PLEKHM3: variants seen among roughly 807,000 people sequenced by gnomAD.
The protein encoded by PLEKHM3 is pleckstrin homology domain-containing family M member 3.
A neutral mutation model predicts 81.8 loss-of-function variants in PLEKHM3; 45 were observed. The observed-to-expected ratio is 0.55, with a 90% confidence interval of 0.43 to 0.71. The LOEUF is 0.71. PLEKHM3 is among the 30% of genes least tolerant of loss of function. The probability of loss-of-function intolerance (pLI) is 0.00; values close to 1 mark genes in which losing one functional copy is unlikely to be tolerated. For missense variants in PLEKHM3, 788 were observed against 924.3 expected (o/e 0.85, Z 1.91); for synonymous variants, 352 against 356.4 (o/e 0.99, Z 0.14).
At chr2:207,871,884 G>A (rs1251238445) in intron 6 of PLEKHM3, among the ~76,000 whole-genome samples, 1 of 152,210 alleles carries the variant, frequency 6.6e-6, no homozygotes, top group African/African-American at 2.4e-5. Context: ...CAGCAGAATT[G>A]TGCTTCTCTG....
intron 6 of PLEKHM3, among the ~76,000 whole-genome samples, chr2:207,891,114 A>G (rs1247503200): frequency 6.6e-6 from 1 of 152,220 alleles, no homozygotes; most frequent in Non-Finnish European, 1.5e-5. Context: ...TCATGTAGGA[A>G]ACACCCTTTG....
chr2:208,016,212 A>C (rs1466263806), intron 1 of PLEKHM3, among the ~76,000 whole-genome samples: 2 of 152,128 alleles, frequency 1.3e-5, no homozygotes, highest in Non-Finnish European at 2.9e-5. Context: ...AAATACATAA[A>C]TAAATAAAAT....
chr2:207,915,906 T>C (rs1318485663), intron 5 of PLEKHM3, among the ~76,000 whole-genome samples: 1 of 152,162 alleles, frequency 6.6e-6, no homozygotes, highest in African/African-American at 2.4e-5. Flanking sequence ...CACACTGAAA[T>C]CAGCAAAAAG....
At chr2:207,915,766 A>C (rs1430338790) in intron 5 of PLEKHM3, among the ~76,000 whole-genome samples, 1 of 152,254 alleles carries the variant, frequency 6.6e-6, no homozygotes, top group African/African-American at 2.4e-5. Context: ...AAGATGCATA[A>C]GGAATAATTT....
rs74317611 is a variant in PLEKHM3 at position 207,917,205 on chromosome 2, G to A, written c.1887-8628C>T. 5.1e-3 allele frequency among the ~76,000 whole-genome samples: 782 copies of A among 152,340 alleles called. 6 individuals are homozygous for A. Among genetic ancestry groups the A allele is most frequent in the African/African-American group, 0.018 (745 of 41,576 alleles). On this transcript the variant is annotated intron_variant, in intron 5 of 7. Coordinates refer to ENST00000427836, the MANE Select transcript of PLEKHM3 (RefSeq NM_001080475.3). ...TCCTGATAGATTCTGCAGCTAATCT[G>A]TTAAGGCTAAAGCCCCAGCTGCAGC...
chr2:207,919,364 C>A (rs1041609876), intron 5 of PLEKHM3, among the ~76,000 whole-genome samples: 1 of 151,884 alleles, frequency 6.6e-6, no homozygotes, highest in Non-Finnish European at 1.5e-5. Flanking sequence ...TTACTTGGAG[C>A]GAGAGGTGAA....
intron 7 of PLEKHM3, among the ~76,000 whole-genome samples, chr2:207,840,802 T>TTTA (rs1559202745): frequency 7.1e-6 from 1 of 140,114 alleles, no homozygotes. Context: ...TTTTTATGTT[T>TTTA]TTTTTTTTTT....
At chr2:207,850,596 A>C (rs1042778392) in intron 7 of PLEKHM3, among the ~76,000 whole-genome samples, 1 of 152,222 alleles carries the variant, frequency 6.6e-6, no homozygotes, top group African/African-American at 2.4e-5. Flanking sequence ...CAAGGTTCAG[A>C]AATAGCATCT....
At chr2:208,011,899 G>C (rs533415707) in intron 1 of PLEKHM3, among the ~76,000 whole-genome samples, 3 of 139,546 alleles carry the variant, frequency 2.1e-5, no homozygotes, top group African/African-American at 8.2e-5. Flanking sequence ...CTAGGTTCAA[G>C]TGACTCTCCT....
chr2:207,924,986 G>C (rs1234808155), intron 5 of PLEKHM3, among the ~76,000 whole-genome samples: 1 of 152,108 alleles, frequency 6.6e-6, no homozygotes, highest in African/African-American at 2.4e-5. Context: ...AAAGAAACAA[G>C]GGCCTCAGGA....
chr2:207,830,680 GAAGGACACTTCTTC>G (rs2092281771), intron 7 of PLEKHM3, among the ~76,000 whole-genome samples: 5 of 143,956 alleles, frequency 3.5e-5, no homozygotes, highest in Admixed American at 2.0e-4. Flanking sequence ...GTCCTTAGAA[GAAGGACACTTCTTC>G]TAAGTGTCCT....
rs1028238332 is a variant in PLEKHM3, at chr2:208,001,919, A to G, written c.-280T>C. 4 of 415,202 alleles carry G rather than the reference A, an allele frequency of 9.6e-6. No homozygotes were observed. The highest frequency in any genetic ancestry group is 4.4e-5 in the East Asian group (1 of 22,754). 25.7% of individuals were successfully genotyped at this position (415,202 alleles called of 1,614,324 possible). A position where few individuals can be genotyped will look rare whatever the true frequency, so the allele number is the denominator to read the frequency against. On this transcript the variant is annotated 5_prime_UTR_variant, in exon 2 of 8. Transcript: ENST00000427836. The stretch of plus-strand genomic sequence containing the variant: ...TGAGACCTCTGTGAAGACAACAGCA[A>G]GTACTTGTCAAAGCAATGCCACGCC...
At chr2:208,010,084 G>A (rs1341016280) in intron 1 of PLEKHM3, among the ~76,000 whole-genome samples, 1 of 152,186 alleles carries the variant, frequency 6.6e-6, no homozygotes, top group African/African-American at 2.4e-5. Flanking sequence ...CAACTTGGCT[G>A]GGTTCATTTT....
chr2:207,865,801 A>AAAAAAAAAATATATATATAT lies in PLEKHM3; in HGVS notation c.1951-4540_1951-4539insATATATATATATTTTTTTTT. ...CGACTCAAAAAAAAAAAAAAAAAAA[A>AAAAAAAAAATATATATATAT]AGATATATATATATATATATATATA... On this transcript the variant is annotated intron_variant, in intron 6 of 7. Coordinates refer to ENST00000427836, the MANE Select transcript of PLEKHM3 (RefSeq NM_001080475.3). Among the ~76,000 whole-genome samples the AAAAAAAAAATATATATATAT allele has an allele frequency of 3.2e-4, 8 of 25,284 alleles. 1 individual carries two copies. Among genetic ancestry groups the AAAAAAAAAATATATATATAT allele is most frequent in the South Asian group, 2.2e-3 (2 of 924 alleles). The allele number at this position is 25,284 out of a possible 152,430, so 16.6% of individuals were successfully genotyped here. A position where few individuals can be genotyped will look rare whatever the true frequency, so the allele number is the denominator to read the frequency against.
intron 1 of PLEKHM3, among the ~76,000 whole-genome samples, chr2:208,019,136 A>C (rs1693032914): frequency 1.1e-5 from 1 of 89,238 alleles, no homozygotes; most frequent in African/African-American, 2.9e-5. Context: ...CCCCATCTCT[A>C]CAAAAAAAAA....
At chr2:207,933,091 C>T (rs1159256732) in intron 4 of PLEKHM3, among the ~76,000 whole-genome samples, 2 of 152,054 alleles carry the variant, frequency 1.3e-5, no homozygotes, top group Admixed American at 6.6e-5. Flanking sequence ...CTATAGCATC[C>T]TGCAGAGTTA....
intron 6 of PLEKHM3, among the ~76,000 whole-genome samples, chr2:207,865,803 G>GATAT (rs71036961): frequency 0.019 from 547 of 29,348 alleles, 23 homozygotes; most frequent in Non-Finnish European, 0.027. Flanking sequence ...AAAAAAAAAA[G>GATAT]ATATATATAT....
rs2105873720 is a variant in PLEKHM3 at position 207,825,745 on chromosome 2, A to T, written c.*2574T>A. On this transcript the variant is annotated 3_prime_UTR_variant, in exon 8 of 8. Coordinates refer to ENST00000427836, the MANE Select transcript of PLEKHM3 (RefSeq NM_001080475.3). ...ACCAAGCTGTCAGGGTGGTACGAAAAGGAGAGGAAACAGGAGTGCTGGACA... is the reference window on the plus strand; with the variant it reads ...ACCAAGCTGTCAGGGTGGTACGAAATGGAGAGGAAACAGGAGTGCTGGACA... The T allele has an allele frequency of 6.6e-6, 1 of 152,332 alleles. No individual in the cohort carries two copies. The highest frequency in any genetic ancestry group is 2.1e-4 in the South Asian group (1 of 4,824). The allele number at this position is 152,332 out of a possible 1,614,324, so 9.4% of individuals were successfully genotyped here.
At chr2:208,020,665 T>C (rs1398014662) in intron 1 of PLEKHM3, among the ~76,000 whole-genome samples, 1 of 152,126 alleles carries the variant, frequency 6.6e-6, no homozygotes, top group East Asian at 1.9e-4. Context: ...TTCAGTTCCT[T>C]ATGAACCAAA....
Sources: gnomAD v4.1 joint callset for allele counts (sites outside exome capture counted in the v4.1 genomes callset) on GRCh38, gnomAD v4.1.1 for gene constraint, MANE v1.5 for transcripts, NCBI Gene and HGNC (gene_info 2026-07-23, HGNC 2026-07-21) for gene names.